The following RASGEF1A variants were observed in gnomAD, a reference collection of about 807,000 sequenced individuals.
The protein encoded by RASGEF1A is ras-GEF domain-containing family member 1A.
In RASGEF1A, 18 loss-of-function variants were observed where a neutral mutation model predicts 56.4. The observed-to-expected ratio is 0.32, with a 90% CI of 0.22 to 0.47. RASGEF1A has a LOEUF of 0.47. RASGEF1A is among the 20% of genes least tolerant of loss of function. The pLI, the probability that RASGEF1A is intolerant of heterozygous loss-of-function variation, is 1.00. For missense variants in RASGEF1A, 422 were observed against 627.1 expected (o/e 0.67, Z 3.49); for synonymous variants, 245 against 242.6 (o/e 1.01, Z -0.09).
intron 1 of RASGEF1A, among the ~76,000 whole-genome samples, chr10:43,238,040 T>C (rs1201093243): frequency 1.4e-5 from 2 of 138,374 alleles, no homozygotes; most frequent in African/African-American, 5.3e-5. Context: ...CAGGTGTGCC[T>C]GAGACCCGCC....
chr10:43,197,165 G>A, intron 10 of RASGEF1A, 66 bp from the exon 11 acceptor site: 1 of 1,571,468 alleles, frequency 6.4e-7, no homozygotes, highest in Non-Finnish European at 8.6e-7. Context: ...GGTCAGGGCA[G>A]GGGACGTAGG....
chr10:43,256,649 G>A (rs1461283510), intron 1 of RASGEF1A, among the ~76,000 whole-genome samples: 1 of 152,172 alleles, frequency 6.6e-6, no homozygotes, highest in Non-Finnish European at 1.5e-5. Flanking sequence ...CCCCCACACA[G>A]TCTCCCGTCC....
chr10:43,229,817 G>C (rs994881617), intron 1 of RASGEF1A: 5 of 1,116,040 alleles, frequency 4.5e-6, no homozygotes, highest in Non-Finnish European at 5.8e-6. Context: ...CGAGGGGCTG[G>C]GCTGGGGACC....
chr10:43,201,544 G>C (rs1254962), intron 4 of RASGEF1A, among the ~76,000 whole-genome samples: 1 of 152,150 alleles, frequency 6.6e-6, no homozygotes, highest in Non-Finnish European at 1.5e-5. Flanking sequence ...CAAGGGCCAG[G>C]AGAGGGTTGA....
intron 1 of RASGEF1A, among the ~76,000 whole-genome samples, chr10:43,244,066 C>T (rs1053566662): frequency 6.6e-6 from 1 of 152,218 alleles, no homozygotes; most frequent in Non-Finnish European, 1.5e-5. Context: ...CCTTGGGATG[C>T]TGTTAATCTA....
At chr10:43,262,259 T>C (rs1031404049) in intron 1 of RASGEF1A, among the ~76,000 whole-genome samples, 24 of 152,150 alleles carry the variant, frequency 1.6e-4, no homozygotes, top group African/African-American at 5.8e-4. Context: ...CGGAAGCTAC[T>C]CTTTGTTAAC....
rs557241420 is a variant in RASGEF1A at position 43,242,776 on chromosome 10, GC to G, written c.-7+24068del. 4.1e-4 allele frequency among the ~76,000 whole-genome samples: 60 copies of G among 147,034 alleles called. 1 individual carries two copies. The highest frequency in any genetic ancestry group is 6.7e-4 in the Non-Finnish European group (44 of 66,024). ...TCCAGCTCCTGGCCTCGGGTGATCT[GC>G]CCACCTCGGTCTCCCGAGGTGCTGG... On this transcript the variant is annotated intron_variant, in intron 1 of 12. Coordinates refer to ENST00000395810, the MANE Select transcript of RASGEF1A (RefSeq NM_145313.4).
At chr10:43,229,608 C>G in intron 1 of RASGEF1A, 2 of 1,479,562 alleles carry the variant, frequency 1.4e-6, no homozygotes. Flanking sequence ...TGCCCCGCGG[C>G]CTTGCGCCTG....
intron 1 of RASGEF1A, among the ~76,000 whole-genome samples, chr10:43,215,249 C>G (rs1037129150): frequency 4.6e-5 from 7 of 152,144 alleles, no homozygotes; most frequent in Admixed American, 2.0e-4. Context: ...AGGAGGGGTT[C>G]GAGCCAGCCC....
At chr10:43,239,835 T>A (rs1216795819) in intron 1 of RASGEF1A, among the ~76,000 whole-genome samples, 6 of 152,236 alleles carry the variant, frequency 3.9e-5, no homozygotes, top group Non-Finnish European at 7.3e-5. Context: ...CAAGGTTCAT[T>A]GTCAAAAACA....
intron 1 of RASGEF1A, among the ~76,000 whole-genome samples, chr10:43,225,317 G>C (rs1204654234): frequency 4.0e-5 from 6 of 148,246 alleles, no homozygotes; most frequent in Non-Finnish European, 8.9e-5. Context: ...GTGTGTCTGT[G>C]TGTCTGTGTC....
intron 1 of RASGEF1A, among the ~76,000 whole-genome samples, chr10:43,216,932 T>C (rs1840144813): frequency 6.6e-6 from 1 of 152,070 alleles, no homozygotes; most frequent in Non-Finnish European, 1.5e-5. Context: ...CAGCTGCGCC[T>C]CCTTTGCCGC....
chr10:43,262,053 G>A lies in RASGEF1A; in HGVS notation c.-7+4792C>T, dbSNP rs994925118. On this transcript the variant is annotated intron_variant, in intron 1 of 12. Coordinates refer to ENST00000395810, the MANE Select transcript of RASGEF1A (RefSeq NM_145313.4). ...TGTGGCTGGGGTCCAGGACACACCC[G>A]GATGCACTCAAGGCTGCCTGACATT... Among the ~76,000 whole-genome samples the A allele has an allele frequency of 5.9e-5, 9 of 152,230 alleles. No individual in the cohort carries two copies. The South Asian group carries it at 6.2e-4, about 11-fold the overall frequency.
intron 1 of RASGEF1A, among the ~76,000 whole-genome samples, chr10:43,238,377 GT>G (rs1181064377): frequency 6.6e-6 from 1 of 152,214 alleles, no homozygotes. Context: ...AGATTGTCTG[GT>G]TTCCTACCCT....
chr10:43,233,496 C>A (rs1840397131), intron 1 of RASGEF1A, among the ~76,000 whole-genome samples: 1 of 152,174 alleles, frequency 6.6e-6, no homozygotes, highest in South Asian at 2.1e-4. Context: ...TGAAAGAAGG[C>A]TATCCAAGGG....
rs1588933963 is a variant in RASGEF1A, at chr10:43,211,328, A to G, written c.-6-5206T>C. On this transcript the variant is annotated intron_variant, in intron 1 of 12. Coordinates refer to ENST00000395810, the MANE Select transcript of RASGEF1A (RefSeq NM_145313.4). The stretch of plus-strand genomic sequence containing the variant: ...CATTCGAGAAGGGGGTCCTCCCTGT[A>G]TCTGAGCCTAAGTCTTCCTGGCTGG... Among the ~76,000 whole-genome samples the G allele has an allele frequency of 2.0e-5, 3 of 152,154 alleles. No homozygotes were observed. The South Asian group carries it at 6.2e-4, about 32-fold the overall frequency.
intron 1 of RASGEF1A, chr10:43,208,139 A>G: frequency 1.0e-6 from 1 of 983,694 alleles, no homozygotes; most frequent in South Asian, 4.7e-5. Flanking sequence ...CTGTGGGACA[A>G]CCTCCCCAAG....
chr10:43,266,514 C>T (rs1432407269), intron 1 of RASGEF1A, among the ~76,000 whole-genome samples: 4 of 151,190 alleles, frequency 2.6e-5, no homozygotes, highest in Admixed American at 1.3e-4. Context: ...GCAGTGCCCA[C>T]GCCCGCCCGC....
At chr10:43,206,485 G>A (rs1176792512) in intron 1 of RASGEF1A, among the ~76,000 whole-genome samples, 1 of 152,202 alleles carries the variant, frequency 6.6e-6, no homozygotes, top group Non-Finnish European at 1.5e-5. Context: ...ACAACTGATG[G>A]GGCTGGCCGC....
Sources: gnomAD v4.1 joint callset for allele counts (sites outside exome capture counted in the v4.1 genomes callset) on GRCh38, gnomAD v4.1.1 for gene constraint, MANE v1.5 for transcripts, NCBI Gene and HGNC (gene_info 2026-07-23, HGNC 2026-07-21) for gene names.